The following HTR2C variants were observed in gnomAD, a reference collection of about 807,000 sequenced individuals.
HTR2C encodes 5-hydroxytryptamine receptor 2C, also known as 5-hydroxytryptamine (serotonin) receptor 2C, G protein-coupled.
A neutral mutation model predicts 21.0 loss-of-function variants in HTR2C; 5 were observed. The observed-to-expected ratio is 0.24, with a 90% confidence interval of 0.12 to 0.50. HTR2C has a LOEUF of 0.50. HTR2C is among the 20% of genes least tolerant of loss of function. The probability of loss-of-function intolerance (pLI) is 0.98; values close to 1 mark genes in which losing one functional copy is unlikely to be tolerated. For missense variants in HTR2C, 271 were observed against 371.2 expected, an observed-to-expected ratio of 0.73 and a Z score of 2.22; for synonymous variants, 150 against 145.3, an observed-to-expected ratio of 1.03 and a Z score of -0.23.
At chrX:114,610,661 T>C (rs1928686275) in intron 1 of HTR2C, among the ~76,000 whole-genome samples, 1 of 111,876 alleles carries the variant, frequency 8.9e-6, no homozygotes, top group African/African-American at 3.3e-5. Context: ...ACATCTATGT[T>C]TTCTATCTAG....
intron 2 of HTR2C, among the ~76,000 whole-genome samples, chrX:114,678,982 ATAAAG>A (rs1279405726): frequency 7.1e-5 from 8 of 112,029 alleles, no homozygotes; most frequent in Middle Eastern, 4.2e-3. Context: ...TTAAAAATAA[ATAAAG>A]TAAAAATACA....
rs782453532 is a variant in HTR2C, at chrX:114,604,050, G to A, written c.-146-9765G>A. Among the ~76,000 whole-genome samples, 6 of 107,629 alleles carry A rather than the reference G, an allele frequency of 5.6e-5. No homozygotes were observed. The South Asian group carries it at 1.3e-3, about 23-fold the overall frequency. 93.5% of individuals were successfully genotyped at this position (107,629 alleles called of 115,157 possible). ...GCGTGCTGCGGGATGGGATATTGGCGTTGAGTGGGGTAAGAGTGATTAGGT... is the reference window on the plus strand; with the variant it reads ...GCGTGCTGCGGGATGGGATATTGGCATTGAGTGGGGTAAGAGTGATTAGGT... On this transcript the variant is annotated intron_variant, in intron 1 of 5. Coordinates refer to ENST00000276198, the MANE Select transcript of HTR2C (RefSeq NM_000868.4).
At chrX:114,842,363 C>T (rs181469844) in intron 4 of HTR2C, among the ~76,000 whole-genome samples, 4 of 112,105 alleles carry the variant, frequency 3.6e-5, no homozygotes, top group Admixed American at 1.9e-4. Flanking sequence ...TTTGTTTTGC[C>T]TGACTCAGAG....
At chrX:114,696,839 A>G (rs1454185261) in intron 2 of HTR2C, among the ~76,000 whole-genome samples, 1 of 110,896 alleles carries the variant, frequency 9.0e-6, no homozygotes, top group Non-Finnish European at 1.9e-5. Context: ...TTATCGCATA[A>G]ATCTTAAAGC....
intron 4 of HTR2C, among the ~76,000 whole-genome samples, chrX:114,762,650 G>A (rs2069892441): frequency 8.9e-6 from 1 of 111,744 alleles, no homozygotes; most frequent in African/African-American, 3.3e-5. Context: ...AATTTTGCCT[G>A]CAGATAAATT....
In HTR2C at chrX:114,709,242, A is replaced by G. The variant is rs190698254; in HGVS notation, c.-79-17616A>G. ...TTTCACTCTTATTTTTTTAACTTCA[A>G]ATTTATTTTGTCAGATATCAAGATT... On this transcript the variant is annotated intron_variant, in intron 2 of 5. Transcript: ENST00000276198. Among the ~76,000 whole-genome samples the G allele has an allele frequency of 2.5e-3, 280 of 111,319 alleles. 1 individual carries two copies. Among genetic ancestry groups the G allele is most frequent in the African/African-American group, 8.6e-3 (265 of 30,674 alleles).
intron 5 of HTR2C, among the ~76,000 whole-genome samples, chrX:114,895,843 C>T (rs1198178658): frequency 9.1e-6 from 1 of 110,291 alleles, no homozygotes; most frequent in East Asian, 2.9e-4. Context: ...CAAAAATTAG[C>T]CAGGAGTGGT....
intron 1 of HTR2C, among the ~76,000 whole-genome samples, chrX:114,585,907 G>T (rs2147784590): frequency 9.1e-6 from 1 of 109,316 alleles, no homozygotes; most frequent in South Asian, 4.2e-4. Flanking sequence ...GTTGAGCTAA[G>T]ATGATTTGGG....
chrX:114,727,228 T>G (rs1350626879), intron 3 of HTR2C, among the ~76,000 whole-genome samples: 1 of 112,240 alleles, frequency 8.9e-6, no homozygotes, highest in Non-Finnish European at 1.9e-5. Context: ...TAAATTCAAA[T>G]AATCTCAATG....
intron 5 of HTR2C, among the ~76,000 whole-genome samples, chrX:114,870,658 A>G (rs782149376): frequency 9.0e-6 from 1 of 110,830 alleles, no homozygotes; most frequent in East Asian, 2.9e-4. Flanking sequence ...GGTAGGTTGC[A>G]TATGTCTAAG....
Position 114,874,898 on chromosome X carries a change from GA to G in HTR2C, c.550+26703del, listed in dbSNP as rs1296744631. Among the ~76,000 whole-genome samples, 15 of 110,865 alleles carry G rather than the reference GA, an allele frequency of 1.4e-4. No individual in the cohort carries two copies. The South Asian group carries it at 3.8e-3, about 28-fold the overall frequency. ...GTCTGCCATTTGTATGTCTTCTCTGGAAAAAAAATGTGAGTTGTATGAATTC... is the reference window on the plus strand; with the variant it reads ...GTCTGCCATTTGTATGTCTTCTCTGGAAAAAAATGTGAGTTGTATGAATTC... On this transcript the variant is annotated intron_variant, in intron 5 of 5. Transcript: ENST00000276198.
chrX:114,860,503 A>G (rs1443117818), intron 5 of HTR2C, among the ~76,000 whole-genome samples: 2 of 111,181 alleles, frequency 1.8e-5, no homozygotes, highest in African/African-American at 6.5e-5. Context: ...TAAATAATTC[A>G]CTTATAAAGA....
rs1556406361 is a variant in HTR2C, at chrX:114,641,048, C to CTTTT, written c.-80+27170_-80+27171insTTTT. Among the ~76,000 whole-genome samples, 537 of 82,900 alleles carry CTTTT rather than the reference C, an allele frequency of 6.5e-3. 6 individuals are homozygous for CTTTT. Among genetic ancestry groups the CTTTT allele is most frequent in the African/African-American group, 0.024 (500 of 20,846 alleles). 72.0% of individuals were successfully genotyped at this position (82,900 alleles called of 115,157 possible). On this transcript the variant is annotated intron_variant, in intron 2 of 5. Transcript: ENST00000276198. ...TCTTTCTTCCTTTCTTTCTTTCTTT[C>CTTTT]TTTCTTTTTTTCTTTTCTTTTCTTT...
At position 114,894,315 on chromosome X, in the gene HTR2C, A is replaced by G. The variant is rs782746076; in HGVS notation, c.551-12274A>G. The stretch of plus-strand genomic sequence containing the variant: ...GCAACAATTCCTTCAAAGGAATAAT[A>G]TTTACAATAGAAAGAAAAACTAGTG... On this transcript the variant is annotated intron_variant, in intron 5 of 5. Coordinates refer to ENST00000276198, the MANE Select transcript of HTR2C (RefSeq NM_000868.4). Among the ~76,000 whole-genome samples the G allele has an allele frequency of 2.5e-3, 279 of 112,197 alleles. 1 individual carries two copies. Among genetic ancestry groups the G allele is most frequent in the African/African-American group, 8.6e-3 (266 of 30,914 alleles).
intron 5 of HTR2C, among the ~76,000 whole-genome samples, chrX:114,902,587 G>C (rs2071344305): frequency 9.0e-6 from 1 of 110,606 alleles, no homozygotes; most frequent in Non-Finnish European, 1.9e-5. Flanking sequence ...TTGTTTTACA[G>C]TTTTGAAAAT....
chrX:114,754,071 G>C (rs1325200877), intron 4 of HTR2C, among the ~76,000 whole-genome samples: 1 of 110,851 alleles, frequency 9.0e-6, no homozygotes, highest in Non-Finnish European at 1.9e-5. Context: ...CTTCTTAAAG[G>C]ATACTAGTCA....
At chrX:114,872,989 AT>A (rs2071103833) in intron 5 of HTR2C, among the ~76,000 whole-genome samples, 1 of 111,689 alleles carries the variant, frequency 9.0e-6, no homozygotes, top group Non-Finnish European at 1.9e-5. Context: ...GATTTTGGCA[AT>A]ATTTCCCAGT....
At chrX:114,774,485 T>C (rs1556438150) in intron 4 of HTR2C, among the ~76,000 whole-genome samples, 1 of 112,018 alleles carries the variant, frequency 8.9e-6, no homozygotes, top group African/African-American at 3.2e-5. Context: ...AGTTACACCT[T>C]CAGGATTGCA....
At chrX:114,696,633 CT>C (rs1932285455) in intron 2 of HTR2C, among the ~76,000 whole-genome samples, 1 of 102,017 alleles carries the variant, frequency 9.8e-6, no homozygotes, top group Admixed American at 1.1e-4. Context: ...TTTTTTTTTT[CT>C]TTTTTCATTT....
Sources: gnomAD v4.1 joint callset for allele counts (sites outside exome capture counted in the v4.1 genomes callset) on GRCh38, gnomAD v4.1.1 for gene constraint, MANE v1.5 for transcripts, NCBI Gene and HGNC (gene_info 2026-07-23, HGNC 2026-07-21) for gene names.